The following LRMDA variants were observed in gnomAD, a reference collection of about 807,000 sequenced individuals.
LRMDA encodes leucine rich melanocyte differentiation associated.
LRMDA carries 18 observed loss-of-function variants against 29.8 expected under a neutral mutation model. The ratio of observed to expected loss-of-function variants is 0.60; its 90% CI spans 0.42 to 0.90. The LOEUF (loss-of-function observed/expected upper bound fraction) is 0.90, where lower values mean the gene tolerates loss of function less well. LRMDA is among the 40% of genes least tolerant of loss of function. The pLI, the probability that LRMDA is intolerant of heterozygous loss-of-function variation, is 0.00. For synonymous variants in LRMDA, 125 were observed against 109.4 expected (o/e 1.14, Z -0.89); for missense variants, 273 against 273.9 (o/e 1.00, Z 0.02).
chr10:76,153,354 G>A (rs1041994325), intron 5 of LRMDA, among the ~76,000 whole-genome samples: 1 of 151,950 alleles, frequency 6.6e-6, no homozygotes, highest in Non-Finnish European at 1.5e-5. Flanking sequence ...TTCTTTGATG[G>A]CTTGTACTTT....
chr10:76,127,253 T>C (rs1463846512), intron 5 of LRMDA, among the ~76,000 whole-genome samples: 3 of 152,218 alleles, frequency 2.0e-5, no homozygotes, highest in Non-Finnish European at 4.4e-5. Flanking sequence ...AAAAAATGCA[T>C]ATATGTGCGC....
At chr10:76,310,174 T>G (rs1228061549) in intron 5 of LRMDA, among the ~76,000 whole-genome samples, 1 of 152,186 alleles carries the variant, frequency 6.6e-6, no homozygotes, top group Non-Finnish European at 1.5e-5. Flanking sequence ...AGGGTCTTAT[T>G]CACCAAAGCT....
At chr10:76,147,981 T>C (rs1218566949) in intron 5 of LRMDA, among the ~76,000 whole-genome samples, 1 of 152,162 alleles carries the variant, frequency 6.6e-6, no homozygotes, top group African/African-American at 2.4e-5. Flanking sequence ...GTATCACCAG[T>C]GGTGGCTGCA....
chr10:76,316,241 C>T (rs1435863019), intron 5 of LRMDA, among the ~76,000 whole-genome samples: 1 of 152,196 alleles, frequency 6.6e-6, no homozygotes, highest in East Asian at 1.9e-4. Context: ...CTGGCGTCTC[C>T]CAGCTTCCAG....
intron 6 of LRMDA, among the ~76,000 whole-genome samples, chr10:76,386,559 G>A (rs1265639615): frequency 1.3e-5 from 2 of 152,076 alleles, no homozygotes; most frequent in African/African-American, 4.8e-5. Flanking sequence ...CTTGGTGGAG[G>A]AACATGTTCT....
At chr10:75,596,007 C>T (rs960188221) in intron 2 of LRMDA, among the ~76,000 whole-genome samples, 12 of 151,802 alleles carry the variant, frequency 7.9e-5, no homozygotes, top group African/African-American at 2.7e-4. Flanking sequence ...TGCTTTTTTT[C>T]GCTATAGCAG....
intron 6 of LRMDA, among the ~76,000 whole-genome samples, chr10:76,356,807 T>C (rs199940416): frequency 6.6e-6 from 1 of 152,204 alleles, no homozygotes; most frequent in East Asian, 1.9e-4. Context: ...TTTGCAGAAA[T>C]AATTCTTCTA....
At chr10:76,387,470 G>GC (rs1211603173) in intron 6 of LRMDA, among the ~76,000 whole-genome samples, 1 of 152,026 alleles carries the variant, frequency 6.6e-6, no homozygotes, top group Non-Finnish European at 1.5e-5. Flanking sequence ...GCATGGTGGT[G>GC]CACGTGCGTG....
intron 6 of LRMDA, among the ~76,000 whole-genome samples, chr10:76,380,507 A>G (rs1046618663): frequency 6.6e-6 from 1 of 151,922 alleles, no homozygotes; most frequent in Non-Finnish European, 1.5e-5. Flanking sequence ...ATCTCTACTA[A>G]AAATACAAAA....
In LRMDA at chr10:76,476,634, C is replaced by T. The variant is rs563560042; in HGVS notation, c.602-80575C>T. 6.6e-5 allele frequency among the ~76,000 whole-genome samples: 10 copies of T among 152,102 alleles called. 1 individual carries two copies. In the South Asian group the frequency reaches 1.5e-3, roughly 22 times the overall value. ...TTAGACCAATATCCCTGATAAGCAT[C>T]GATGCAAAAATCCTCAATAAAATAC... is the stretch of plus-strand genomic sequence containing the variant. On this transcript the variant is annotated intron_variant, in intron 6 of 6. Coordinates refer to ENST00000611255, the MANE Select transcript of LRMDA (RefSeq NM_001305581.2).
chr10:75,610,674 G>C (rs1417688214), intron 2 of LRMDA, among the ~76,000 whole-genome samples: 1 of 152,024 alleles, frequency 6.6e-6, no homozygotes, highest in Non-Finnish European at 1.5e-5. Context: ...GGCAGGCCCA[G>C]GTTCCCCAGT....
chr10:75,433,504 G>A (rs1345450051), intron 1 of LRMDA, among the ~76,000 whole-genome samples: 2 of 152,168 alleles, frequency 1.3e-5, no homozygotes, highest in African/African-American at 4.8e-5. Context: ...AAACTGCCCA[G>A]GTTAGTGGAT....
intron 2 of LRMDA, among the ~76,000 whole-genome samples, chr10:75,784,655 A>ATTGC (rs1175293318): frequency 2.6e-5 from 4 of 151,082 alleles, no homozygotes; most frequent in Admixed American, 2.6e-4. Flanking sequence ...GTGAGCAGAG[A>ATTGC]TTGCGCCACT....
intron 2 of LRMDA, among the ~76,000 whole-genome samples, chr10:75,993,059 G>A (rs1422703183): frequency 6.6e-6 from 1 of 152,148 alleles, no homozygotes; most frequent in Non-Finnish European, 1.5e-5. Context: ...CTGGTGGAAG[G>A]GCTCCCTCTC....
chr10:75,936,273 A>G (rs984627980), intron 2 of LRMDA, among the ~76,000 whole-genome samples: 2 of 152,142 alleles, frequency 1.3e-5, no homozygotes, highest in South Asian at 4.1e-4. Flanking sequence ...AGGAATCCTC[A>G]GACCTGGGTC....
chr10:75,477,349 C>G (rs1844808014), intron 2 of LRMDA, among the ~76,000 whole-genome samples: 1 of 152,206 alleles, frequency 6.6e-6, no homozygotes, highest in African/African-American at 2.4e-5. Context: ...GTCTCCCATT[C>G]TGAGAATCTG....
At chr10:76,122,236 G>T (rs993271455) in intron 5 of LRMDA, among the ~76,000 whole-genome samples, 88 of 152,116 alleles carry the variant, frequency 5.8e-4, no homozygotes, top group African/African-American at 2.0e-3. Flanking sequence ...GAGGCCCAGG[G>T]TCACCTGATC....
intron 5 of LRMDA, among the ~76,000 whole-genome samples, chr10:76,208,731 A>G (rs913138936): frequency 2.0e-4 from 31 of 152,058 alleles, no homozygotes; most frequent in African/African-American, 6.8e-4. Flanking sequence ...CCCAGCAAGC[A>G]TGTCCTCCCC....
At position 76,220,527 on chromosome 10, in the gene LRMDA, T is replaced by C. The variant is rs146988113; in HGVS notation, c.517-103874T>C. 3.1e-3 allele frequency among the ~76,000 whole-genome samples: 476 copies of C among 152,130 alleles called. 2 individuals carry two copies. Among genetic ancestry groups the C allele is most frequent in the African/African-American group, 0.011 (454 of 41,476 alleles). ...ATAAACTACAAAAATCTAGAAGAAATGGGTAAATTCCTTGACACATACACC... is the reference window on the plus strand; with the variant it reads ...ATAAACTACAAAAATCTAGAAGAAACGGGTAAATTCCTTGACACATACACC... On this transcript the variant is annotated intron_variant, in intron 5 of 6. Coordinates refer to ENST00000611255, the MANE Select transcript of LRMDA (RefSeq NM_001305581.2).
Sources: gnomAD v4.1 joint callset for allele counts (sites outside exome capture counted in the v4.1 genomes callset) on GRCh38, gnomAD v4.1.1 for gene constraint, MANE v1.5 for transcripts, NCBI Gene and HGNC (gene_info 2026-07-23, HGNC 2026-07-21) for gene names.